ARL6IP5: variants seen among roughly 807,000 people sequenced by gnomAD.
ARL6IP5 encodes the protein ARF like GTPase 6 interacting protein 5.
A neutral mutation model predicts 13.0 loss-of-function variants in ARL6IP5; 6 were observed. The observed-to-expected ratio is 0.46, with a 90% CI of 0.25 to 0.91. ARL6IP5 has a LOEUF of 0.91. Among genes scored for constraint, ARL6IP5 ranks in the 40% least tolerant of loss-of-function variants. The pLI is 0.17. For missense variants in ARL6IP5, 208 were observed against 248.8 expected (o/e 0.84, Z 1.10); for synonymous variants, 91 against 91.9 (o/e 0.99, Z 0.06).
chr3:69,087,211 C>T (rs968079546), intron 1 of ARL6IP5, among the ~76,000 whole-genome samples: 2 of 151,704 alleles, frequency 1.3e-5, no homozygotes. Flanking sequence ...TGGGGTCTCA[C>T]TATGTTGCCC....
intron 1 of ARL6IP5, among the ~76,000 whole-genome samples, chr3:69,100,662 T>A (rs2092302029): frequency 6.6e-6 from 1 of 151,670 alleles, no homozygotes; most frequent in Admixed American, 6.6e-5. Context: ...GTACCTGTAA[T>A]CCCAGTTACT....
At chr3:69,093,876 T>C (rs1415201813) in intron 1 of ARL6IP5, among the ~76,000 whole-genome samples, 4 of 151,638 alleles carry the variant, frequency 2.6e-5, no homozygotes, top group African/African-American at 9.7e-5. Context: ...GTCACTTGAG[T>C]GTGGGAGAAA....
intron 1 of ARL6IP5, among the ~76,000 whole-genome samples, chr3:69,097,114 C>G (rs978307414): frequency 4.0e-5 from 6 of 151,838 alleles, no homozygotes; most frequent in African/African-American, 1.5e-4. Flanking sequence ...CTCCCCTTAT[C>G]CTACTATACT....
In ARL6IP5 at chr3:69,104,803, A is replaced by AGCT; in HGVS notation, c.*168_*169insCTG. On this transcript the variant is annotated 3_prime_UTR_variant, in exon 3 of 3. Transcript: ENST00000273258. Reference sequence around the variant, plus strand: ...ACTATTATCAGCTCTGATGTTTCAGAGAGAAGACCTCAGAAACCGAAAGAA... The same window carrying AGCT: ...ACTATTATCAGCTCTGATGTTTCAGAGCTGAGAAGACCTCAGAAACCGAAAGAA... The AGCT allele has an allele frequency of 1.2e-6, 1 of 811,602 alleles. No homozygotes were observed. The highest frequency in any genetic ancestry group is 2.1e-6 in the Non-Finnish European group (1 of 486,332). 50.3% of individuals were successfully genotyped at this position (811,602 alleles called of 1,614,324 possible).
intron 1 of ARL6IP5, among the ~76,000 whole-genome samples, chr3:69,096,722 G>C (rs2092288419): frequency 6.8e-6 from 1 of 147,424 alleles, no homozygotes; most frequent in African/African-American, 2.5e-5. Flanking sequence ...TCCTGCCTCA[G>C]CCTCCCAAGT....
At position 69,104,898 on chromosome 3, in the gene ARL6IP5, C is replaced by A. The variant is rs114156698; in HGVS notation, c.*262C>A. On this transcript the variant is annotated 3_prime_UTR_variant, in exon 3 of 3. Coordinates refer to ENST00000273258, the MANE Select transcript of ARL6IP5 (RefSeq NM_006407.4). ...GAAATCTAATGGGAAATGGATCACA[C>A]GATTTCTTTAAGGGAATTAAAAAAA... The A allele has an allele frequency of 2.9e-6, 2 of 701,596 alleles. No individual in the cohort carries two copies. Among genetic ancestry groups the A allele is most frequent in the African/African-American group, 1.8e-5 (1 of 56,904 alleles). 43.5% of individuals were successfully genotyped at this position (701,596 alleles called of 1,614,324 possible).
At position 69,105,714 on chromosome 3, in the gene ARL6IP5, A is replaced by T. The variant is rs2092320368; in HGVS notation, c.*1078A>T. ...TTTATAGCTAGACATTAGAATTATG[A>T]TAGCATGAGTTTATACATTCTATTA... On this transcript the variant is annotated 3_prime_UTR_variant, in exon 3 of 3. Coordinates refer to ENST00000273258, the MANE Select transcript of ARL6IP5 (RefSeq NM_006407.4). 1 of 152,248 alleles carries T rather than the reference A, an allele frequency of 6.6e-6. No homozygotes were observed. The highest frequency in any genetic ancestry group is 1.5e-5 in the Non-Finnish European group (1 of 68,048). 9.4% of individuals were successfully genotyped at this position (152,248 alleles called of 1,614,324 possible). A position where few individuals can be genotyped will look rare whatever the true frequency, so the allele number is the denominator to read the frequency against.
intron 1 of ARL6IP5, among the ~76,000 whole-genome samples, chr3:69,094,309 G>GC (rs1215978749): frequency 6.6e-6 from 1 of 152,034 alleles, no homozygotes; most frequent in African/African-American, 2.4e-5. Context: ...TGGATTCCAG[G>GC]CCCCACTTAC....
intron 1 of ARL6IP5, among the ~76,000 whole-genome samples, chr3:69,096,224 C>T (rs145498749): frequency 6.6e-5 from 10 of 152,244 alleles, no homozygotes; most frequent in African/African-American, 2.4e-4. Context: ...GAACTAAAAC[C>T]AGTTCTATAG....
intron 1 of ARL6IP5, among the ~76,000 whole-genome samples, chr3:69,097,038 T>A (rs7617775): frequency 0.036 from 5,548 of 152,278 alleles, 306 homozygotes; most frequent in East Asian, 0.27. Context: ...CAATTTTTTT[T>A]ATTCATCAAG....
intron 1 of ARL6IP5, 90 bp downstream of exon 1, chr3:69,085,313 C>A: frequency 6.9e-7 from 1 of 1,453,834 alleles, no homozygotes; most frequent in East Asian, 2.3e-5. Flanking sequence ...GAGACGCTCT[C>A]TGACCACGCT....
intron 1 of ARL6IP5, among the ~76,000 whole-genome samples, chr3:69,100,816 AT>A (rs978973043): frequency 6.6e-6 from 1 of 151,934 alleles, no homozygotes; most frequent in Admixed American, 6.6e-5. Context: ...ACAGTGATTA[AT>A]AGCACCTCAC....
At chr3:69,098,325 A>G (rs1460872446) in intron 1 of ARL6IP5, among the ~76,000 whole-genome samples, 2 of 142,538 alleles carry the variant, frequency 1.4e-5, no homozygotes, top group African/African-American at 5.3e-5. Context: ...GCTCACTACA[A>G]CCTCCGCCTC....
intron 1 of ARL6IP5, among the ~76,000 whole-genome samples, chr3:69,092,236 G>A (rs140659543): frequency 6.6e-6 from 1 of 152,294 alleles, no homozygotes; most frequent in African/African-American, 2.4e-5. Flanking sequence ...TGCTAAAGGA[G>A]ACACCTGGAA....
At chr3:69,100,529 T>C (rs1353264978) in intron 1 of ARL6IP5, among the ~76,000 whole-genome samples, 1 of 152,044 alleles carries the variant, frequency 6.6e-6, no homozygotes, top group Non-Finnish European at 1.5e-5. Context: ...CCTGTAATCC[T>C]AGCACTTTGG....
chr3:69,101,292 G>T (rs1475988987), intron 1 of ARL6IP5, among the ~76,000 whole-genome samples: 1 of 148,498 alleles, frequency 6.7e-6, no homozygotes. Flanking sequence ...GATGGGAACT[G>T]CCTGGGTGTG....
intron 1 of ARL6IP5, chr3:69,089,841 G>A (rs1193811999): frequency 2.2e-6 from 1 of 456,496 alleles, no homozygotes; most frequent in Non-Finnish European, 4.4e-6. Flanking sequence ...GAAGGAATGA[G>A]CCCATGATTT....
chr3:69,089,924 G>C (rs2092259811), intron 1 of ARL6IP5: 1 of 450,690 alleles, frequency 2.2e-6, no homozygotes, highest in South Asian at 1.6e-5. Context: ...GGGTGGAATT[G>C]ACAGCTGCCA....
rs530376622 is a variant in ARL6IP5, at chr3:69,103,254, C to T, written c.394+1198C>T. ...GCTTGCTAATTTTAATACCTTTCCA[C>T]ATCAGAACCTGAGACAGGCCAGTGT... On this transcript the variant is annotated intron_variant, in intron 2 of 2. Transcript: ENST00000273258. Among the ~76,000 whole-genome samples, 4 of 152,316 alleles carry T rather than the reference C, an allele frequency of 2.6e-5. No homozygotes were observed. In the East Asian group the frequency reaches 5.8e-4, roughly 22 times the overall value.
Sources: gnomAD v4.1 joint callset for allele counts (sites outside exome capture counted in the v4.1 genomes callset) on GRCh38, gnomAD v4.1.1 for gene constraint, MANE v1.5 for transcripts, NCBI Gene and HGNC (gene_info 2026-07-23, HGNC 2026-07-21) for gene names.